Variants in ARPC1A observed in about 807,000 individuals in gnomAD.
The protein encoded by ARPC1A is actin-related protein 2/3 complex subunit 1A.
In ARPC1A, 8 loss-of-function variants were observed where a neutral mutation model predicts 46.9. The observed-to-expected ratio is 0.17, with a 90% CI of 0.10 to 0.31. The LOEUF is 0.31. Among genes scored for constraint, ARPC1A ranks in the 10% least tolerant of loss-of-function variants. The pLI is 1.00. For synonymous variants in ARPC1A, 152 were observed against 169.0 expected, an observed-to-expected ratio of 0.90 and a Z score of 0.78; for missense variants, 286 against 483.6, an observed-to-expected ratio of 0.59 and a Z score of 3.83.
rs1254314598 is a variant in ARPC1A at position 99,342,743 on chromosome 7, GAC to G, written c.170-1546_170-1545del. Among the ~76,000 whole-genome samples, 5 of 97,554 alleles carry G rather than the reference GAC, an allele frequency of 5.1e-5. No homozygotes were observed. The Admixed American group carries it at 5.6e-4, about 11-fold the overall frequency. The allele number at this position is 97,554 out of a possible 152,430, so 64.0% of individuals were successfully genotyped here. On this transcript the variant is annotated intron_variant, in intron 3 of 9. Transcript: ENST00000262942. ...TTTTTTTTTTTTTTTTTTTTTTTGA[GAC>G]ACAGTCTCGCTGTGTCACCCAGGCT...
At chr7:99,347,987 A>G (rs551840332) in intron 4 of ARPC1A, among the ~76,000 whole-genome samples, 2 of 152,342 alleles carry the variant, frequency 1.3e-5, no homozygotes, top group East Asian at 1.9e-4. Flanking sequence ...TAGTTAAGCC[A>G]AAATACTGAC....
chr7:99,339,591 A>G (rs1229716807), intron 3 of ARPC1A, among the ~76,000 whole-genome samples: 1 of 152,214 alleles, frequency 6.6e-6, no homozygotes, highest in African/African-American at 2.4e-5. Flanking sequence ...GAAGCTACAT[A>G]AATGGCATGA....
chr7:99,364,196 C>T (rs939623422), intron 9 of ARPC1A, among the ~76,000 whole-genome samples: 5 of 151,786 alleles, frequency 3.3e-5, no homozygotes, highest in Admixed American at 6.6e-5. Flanking sequence ...CTCATGTGAT[C>T]TGCCCACCTT....
chr7:99,344,920 CTTTTTTTTTTTTTT>C (rs1172071932), intron 4 of ARPC1A, among the ~76,000 whole-genome samples: 2 of 20,108 alleles, frequency 9.9e-5, no homozygotes, highest in South Asian at 2.0e-3. Flanking sequence ...TAACAATGTT[CTTTTTTTTTTTTTT>C]TTTTTTTTTT....
At chr7:99,338,131 G>T in intron 2 of ARPC1A, 50 bp from the exon 3 acceptor site, 1 of 1,394,552 alleles carries the variant, frequency 7.2e-7, no homozygotes, top group South Asian at 1.2e-5. Flanking sequence ...CCCCTTTTTG[G>T]TGACAATTGC....
At chr7:99,328,795 T>C (rs1203132938) in intron 1 of ARPC1A, among the ~76,000 whole-genome samples, 1 of 151,768 alleles carries the variant, frequency 6.6e-6, no homozygotes, top group Non-Finnish European at 1.5e-5. Flanking sequence ...TACAAAAAAC[T>C]AAAAAATTAG....
chr7:99,358,181 T>C (rs2286162), intron 6 of ARPC1A, among the ~76,000 whole-genome samples, 159 bp from the exon 7 acceptor site: 53,841 of 152,078 alleles, frequency 0.35, 16,078 homozygotes, highest in African/African-American at 0.81. Context: ...GCCCCTGTCT[T>C]GAGAGGCCTG....
At chr7:99,364,881 A>G (rs1584389784) in intron 9 of ARPC1A, among the ~76,000 whole-genome samples, 1 of 152,094 alleles carries the variant, frequency 6.6e-6, no homozygotes, top group South Asian at 2.1e-4. Flanking sequence ...TGGGTAGGGG[A>G]TTCGGCAGAG....
chr7:99,364,187 T>C (rs1037221340), intron 9 of ARPC1A, among the ~76,000 whole-genome samples: 2 of 151,918 alleles, frequency 1.3e-5, no homozygotes, highest in African/African-American at 4.8e-5. Flanking sequence ...ACTCCTGGCC[T>C]CATGTGATCT....
intron 9 of ARPC1A, 50 bp from the exon 10 acceptor site, chr7:99,365,841 C>G: frequency 6.5e-7 from 1 of 1,533,306 alleles, no homozygotes; most frequent in Non-Finnish European, 8.9e-7. Flanking sequence ...ATACCTACCT[C>G]GGGGTAGACA....
At chr7:99,343,817 CTT>C (rs1793394234) in intron 3 of ARPC1A, among the ~76,000 whole-genome samples, 1 of 152,158 alleles carries the variant, frequency 6.6e-6, no homozygotes, top group Non-Finnish European at 1.5e-5. Context: ...AGTTCCCCCT[CTT>C]TACACTAAAG....
chr7:99,332,570 T>G lies in ARPC1A; in HGVS notation c.-29-755T>G, dbSNP rs139346830. ...CACATTAGTTGTTACAATGCTAGAT[T>G]TATTCAGATGGTTAAGTTTTGACAA... On this transcript the variant is annotated intron_variant, in intron 1 of 9. Coordinates refer to ENST00000262942, the MANE Select transcript of ARPC1A (RefSeq NM_006409.4). Among the ~76,000 whole-genome samples the G allele has an allele frequency of 3.5e-3, 526 of 152,236 alleles. 1 individual carries two copies. The highest frequency in any genetic ancestry group is 0.012 in the African/African-American group (493 of 41,538).
chr7:99,333,290 T>A (rs560374785), intron 1 of ARPC1A, 35 bp from the exon 2 acceptor site: 2 of 1,364,164 alleles, frequency 1.5e-6, no homozygotes, highest in Admixed American at 1.7e-5. Context: ...CTTTTCCCTA[T>A]TGTATAAAAT....
rs1554344243 is a variant in ARPC1A, at chr7:99,338,400, T to TTTTC, written c.169+118_169+119insCTTT. ...ATAATTTTTTTTTTTTTTTTTTTTT[T>TTTTC]TTTGAGAAGGAGTATCACTCTTTCG... On this transcript the variant is annotated intron_variant, in intron 3 of 9. Coordinates refer to ENST00000262942, the MANE Select transcript of ARPC1A (RefSeq NM_006409.4). The TTTTC allele has an allele frequency of 2.8e-5, 21 of 745,494 alleles. No individual in the cohort carries two copies. In the African/African-American group the frequency reaches 3.7e-4, roughly 13 times the overall value. The allele number at this position is 745,494 out of a possible 1,614,324, so 46.2% of individuals were successfully genotyped here.
At chr7:99,329,109 G>A (rs1473913780) in intron 1 of ARPC1A, among the ~76,000 whole-genome samples, 2 of 151,984 alleles carry the variant, frequency 1.3e-5, no homozygotes, top group Non-Finnish European at 2.9e-5. Flanking sequence ...GACCATCCTG[G>A]CTAACACGGT....
At chr7:99,327,705 G>T (rs554035031) in intron 1 of ARPC1A, among the ~76,000 whole-genome samples, 1 of 151,962 alleles carries the variant, frequency 6.6e-6, no homozygotes, top group East Asian at 1.9e-4. Flanking sequence ...GGACCATTTC[G>T]GAAAACTCCT....
At chr7:99,347,003 C>T (rs1311234696) in intron 4 of ARPC1A, among the ~76,000 whole-genome samples, 3 of 152,110 alleles carry the variant, frequency 2.0e-5, no homozygotes, top group Admixed American at 2.0e-4. Context: ...CATTATGAAA[C>T]AATTCGAAAT....
intron 2 of ARPC1A, among the ~76,000 whole-genome samples, chr7:99,335,841 T>A (rs942705946): frequency 6.6e-6 from 1 of 151,952 alleles, no homozygotes; most frequent in Non-Finnish European, 1.5e-5. Context: ...GTAGTCCCAG[T>A]TACTCGGGAG....
intron 6 of ARPC1A, among the ~76,000 whole-genome samples, chr7:99,355,910 A>G (rs1793621133): frequency 1.3e-5 from 2 of 152,192 alleles, no homozygotes; most frequent in Admixed American, 1.3e-4. Context: ...AAAAGCATTG[A>G]TGCCACTTCT....
Sources: gnomAD v4.1 joint callset for allele counts (sites outside exome capture counted in the v4.1 genomes callset) on GRCh38, gnomAD v4.1.1 for gene constraint, MANE v1.5 for transcripts, NCBI Gene and HGNC (gene_info 2026-07-23, HGNC 2026-07-21) for gene names.